Variants in ACAD10 observed in about 807,000 individuals in gnomAD.
ACAD10 encodes acyl-CoA dehydrogenase family member 10, also known as ACAD-10.
Under a neutral mutation model 116.8 loss-of-function variants are expected in ACAD10, and 112 were observed. The ratio of observed to expected loss-of-function variants is 0.96; its 90% CI spans 0.82 to 1.12. The LOEUF is 1.12. Ranked by LOEUF, ACAD10 falls within the 50% of genes most tolerant of loss-of-function variation. The pLI is 0.00. For missense variants in ACAD10, 1,259 were observed against 1,350.2 expected, an observed-to-expected ratio of 0.93 and a Z score of 1.06; for synonymous variants, 486 against 510.6, an observed-to-expected ratio of 0.95 and a Z score of 0.65.
At position 111,756,334 on chromosome 12, in the gene ACAD10, C is replaced by A. The variant is rs775527144; in HGVS notation, c.3041C>A (p.Ala1014Asp). 3.1e-6 allele frequency: 5 copies of A among 1,599,146 alleles called. No individual in the cohort carries two copies. The highest frequency in any genetic ancestry group is 2.2e-5 in the East Asian group (1 of 44,666). ...ASRVIDRAIQ[A>D]FGAAGLSSDY... Reference sequence around the variant, plus strand: ...CTCCCTCCACTCTGTGTCTGCCAGGCCTTTGGAGCAGCAGGCCTGAGCAGC... The same window carrying A: ...CTCCCTCCACTCTGTGTCTGCCAGGACTTTGGAGCAGCAGGCCTGAGCAGC... The change falls in exon 21 of 21, where the codon GCC (alanine) becomes GAC (aspartate). Residue 1014 changes from alanine (A) to aspartate (D), a missense_variant and splice_region_variant. By Grantham distance (126) the Ala-to-Asp change is moderately radical. Transcript: ENST00000313698.
intron 6 of ACAD10, among the ~76,000 whole-genome samples, chr12:111,713,391 A>G (rs1304874315): frequency 1.3e-5 from 2 of 151,686 alleles, no homozygotes; most frequent in African/African-American, 4.8e-5. Context: ...TTGGGAGGCC[A>G]AGGCAGGTGG....
intron 7 of ACAD10, among the ~76,000 whole-genome samples, chr12:111,719,316 C>T (rs754388922): frequency 7.9e-5 from 12 of 152,066 alleles, no homozygotes; most frequent in Non-Finnish European, 1.3e-4. Context: ...TGCAGTGGTG[C>T]GATCTTGGCT....
chr12:111,687,204 ATG>A (rs1457718213), intron 1 of ACAD10, among the ~76,000 whole-genome samples: 1 of 152,112 alleles, frequency 6.6e-6, no homozygotes, highest in Non-Finnish European at 1.5e-5. Flanking sequence ...TGCGTTCTAG[ATG>A]TGTGTGTATC....
At chr12:111,736,152 AT>A (rs1253059961) in intron 11 of ACAD10, among the ~76,000 whole-genome samples, 1 of 138,368 alleles carries the variant, frequency 7.2e-6, no homozygotes. Flanking sequence ...AAGTGCTGGG[AT>A]TAGAGGCATG....
chr12:111,729,166 C>G (rs1319860448), intron 9 of ACAD10, among the ~76,000 whole-genome samples: 35 of 152,176 alleles, frequency 2.3e-4, no homozygotes, highest in Admixed American at 2.3e-3. Context: ...AGTCTGGCTC[C>G]AGGGTTCATG....
chr12:111,726,630 G>T (rs969102128), intron 8 of ACAD10, among the ~76,000 whole-genome samples: 1 of 152,178 alleles, frequency 6.6e-6, no homozygotes, highest in Non-Finnish European at 1.5e-5. Flanking sequence ...GGGAGGCTGA[G>T]GCGGATGGAT....
chr12:111,737,603 G>T (rs1022491185), intron 12 of ACAD10, among the ~76,000 whole-genome samples: 12 of 152,150 alleles, frequency 7.9e-5, no homozygotes, highest in African/African-American at 2.9e-4. Context: ...ATGTAAAATT[G>T]TATCTCACCC....
At chr12:111,755,834 C>T (rs1352681039) in intron 20 of ACAD10, 89 bp downstream of exon 20, 4 of 1,299,562 alleles carry the variant, frequency 3.1e-6, no homozygotes, top group Non-Finnish European at 4.4e-6. Flanking sequence ...CTCCCATAGA[C>T]CCTGGCAGAT....
chr12:111,753,834 C>A lies in ACAD10; in HGVS notation c.2880C>A (p.Ile960=), dbSNP rs756231194. Residue 960 remains isoleucine (I), a synonymous_variant, in exon 19 of 21, where the codon ATC becomes ATA. Coordinates refer to ENST00000313698, the MANE Select transcript of ACAD10 (RefSeq NM_025247.6). ...AGCAGGGCACAGTGCTGGCGGACAT[C>A]GCGCAGTCGCGCGTGGAGATTGAGC... ...LVEQGTVLAD[I]AQSRVEIEQA... is the part of the protein sequence containing the mutation. 6.2e-7 allele frequency: 1 copy of A among 1,614,006 alleles called. No individual in the cohort carries two copies. The highest frequency in any genetic ancestry group is 8.5e-7 in the Non-Finnish European group (1 of 1,180,048).
At chr12:111,704,929 T>C (rs144304782) in intron 3 of ACAD10, among the ~76,000 whole-genome samples, 2,364 of 151,562 alleles carry the variant, frequency 0.016, 71 homozygotes, top group African/African-American at 0.054. Flanking sequence ...CCTCGTGATC[T>C]GCCTGCCTCA....
chr12:111,749,387 C>T (rs778367373), intron 18 of ACAD10, 42 bp downstream of exon 18: 1 of 1,578,658 alleles, frequency 6.3e-7, no homozygotes, highest in East Asian at 2.3e-5. Context: ...TCAGAACCAC[C>T]ACCTTCTGCT....
rs771262355 is a variant in ACAD10 at position 111,755,735 on chromosome 12, G to A, written c.3029G>A (p.Arg1010His). 1.9e-5 allele frequency: 30 copies of A among 1,613,502 alleles called. No homozygotes were observed. The highest frequency in any genetic ancestry group is 2.2e-5 in the Non-Finnish European group (26 of 1,179,884). Reference protein sequence around the residue: ...APSMASRVIDRAIQAFGAAGL... With the variant: ...APSMASRVIDHAIQAFGAAGL... ...TCCATGGCCTCCCGAGTGATTGATC[G>A]TGCGATTCAGGTGAGCACAGACCAG... Residue 1010 changes from arginine to histidine, a missense_variant, in exon 20 of 21, where the codon CGT (arginine) becomes CAT (histidine). Coordinates refer to ENST00000313698, the MANE Select transcript of ACAD10 (RefSeq NM_025247.6).
chr12:111,736,196 T>TC (rs1889558233), intron 11 of ACAD10, among the ~76,000 whole-genome samples: 1 of 147,828 alleles, frequency 6.8e-6, no homozygotes, highest in Non-Finnish European at 1.5e-5. Flanking sequence ...TTTTTTTTTT[T>TC]TTTTTTTTGA....
intron 11 of ACAD10, among the ~76,000 whole-genome samples, chr12:111,734,806 G>A (rs1889498946): frequency 2.0e-5 from 3 of 152,136 alleles, no homozygotes; most frequent in Admixed American, 2.0e-4. Flanking sequence ...AAACAAAAAT[G>A]TAACATGATC....
chr12:111,730,864 G>A (rs537379105), intron 10 of ACAD10, among the ~76,000 whole-genome samples: 465 of 150,884 alleles, frequency 3.1e-3, no homozygotes, highest in Non-Finnish European at 5.0e-3. Flanking sequence ...CAATTCTCCC[G>A]CCCCAGCCTC....
chr12:111,704,664 TTTTC>T (rs755036420), intron 3 of ACAD10, among the ~76,000 whole-genome samples: 57 of 149,142 alleles, frequency 3.8e-4, no homozygotes, highest in African/African-American at 6.7e-4. Context: ...AATATAAGAG[TTTTC>T]TTTCTTTCTT....
At position 111,702,281 on chromosome 12, in the gene ACAD10, C is replaced by T. The variant is rs377612660; in HGVS notation, c.307C>T (p.Arg103Ter). The T allele has an allele frequency of 1.5e-5, 25 of 1,614,012 alleles. No homozygotes were observed. Among genetic ancestry groups the T allele is most frequent in the Middle Eastern group, 1.6e-4 (1 of 6,062 alleles). Residue 103 changes from arginine (R) to a stop codon, truncating the protein, a stop_gained, in exon 3 of 21, where the codon CGA (arginine) becomes TGA (stop). Coordinates refer to ENST00000313698, the MANE Select transcript of ACAD10 (RefSeq NM_025247.6). LOFTEE classifies it high-confidence loss of function. ...AGAAATAACAGCAGAGGGTTTTTTACGAGAATTTGGGAGACTTTGCTCTGA... is the reference window on the plus strand; with the variant it reads ...AGAAATAACAGCAGAGGGTTTTTTATGAGAATTTGGGAGACTTTGCTCTGA... ...RAEITAEGFL[R>*]EFGRLCSEML... is the part of the protein sequence containing the mutation.
At position 111,733,969 on chromosome 12, in the gene ACAD10, G is replaced by C. The variant is rs747954484; in HGVS notation, c.1441G>C (p.Val481Leu). 6.2e-7 allele frequency: 1 copy of C among 1,614,124 alleles called. No individual in the cohort carries two copies. Residue 481 changes from valine (V) to leucine (L), a missense_variant, in exon 11 of 21, where the codon GTC (valine) becomes CTC (leucine). Coordinates refer to ENST00000313698, the MANE Select transcript of ACAD10 (RefSeq NM_025247.6). Reference protein sequence around the residue: ...FHPEEPEVLAVLDWELSTLGD... With the variant: ...FHPEEPEVLALLDWELSTLGD... ...TCCAGAAGAGCCAGAGGTGCTTGCTGTCCTTGACTGGGAACTTTCTACCTT... is the reference window on the plus strand; with the variant it reads ...TCCAGAAGAGCCAGAGGTGCTTGCTCTCCTTGACTGGGAACTTTCTACCTT...
At chr12:111,738,553 A>C (rs1889641281) in intron 12 of ACAD10, among the ~76,000 whole-genome samples, 1 of 150,504 alleles carries the variant, frequency 6.6e-6, no homozygotes, top group Non-Finnish European at 1.5e-5. Context: ...AATGGATGAA[A>C]CACATCAGGT....
Sources: gnomAD v4.1 joint callset for allele counts (sites outside exome capture counted in the v4.1 genomes callset) on GRCh38, gnomAD v4.1.1 for gene constraint, MANE v1.5 for transcripts, NCBI Gene and HGNC (gene_info 2026-07-23, HGNC 2026-07-21) for gene names.